ANKS1B: variants seen among roughly 807,000 people sequenced by gnomAD.
The protein encoded by ANKS1B is ankyrin repeat and sterile alpha motif domain-containing protein 1B.
In ANKS1B, 36 loss-of-function variants were observed where a neutral mutation model predicts 148.3. The observed-to-expected ratio is 0.24, with a 90% CI of 0.19 to 0.32. The LOEUF (loss-of-function observed/expected upper bound fraction) is 0.32, where lower values mean the gene tolerates loss of function less well. Ranked by LOEUF, ANKS1B falls within the 10% of genes least tolerant of loss-of-function variation. The pLI is 1.00. For missense variants in ANKS1B, 1,157 were observed against 1,542.6 expected (o/e 0.75, Z 4.19); for synonymous variants, 542 against 560.8 (o/e 0.97, Z 0.47).
At chr12:99,823,742 T>C (rs538382103) in intron 2 of ANKS1B, among the ~76,000 whole-genome samples, 11 of 152,360 alleles carry the variant, frequency 7.2e-5, no homozygotes, top group African/African-American at 2.6e-4. Context: ...AAATCTTCAA[T>C]CTACCTTGAG....
chr12:99,084,068 G>C (rs753867248), intron 16 of ANKS1B, among the ~76,000 whole-genome samples: 2 of 152,166 alleles, frequency 1.3e-5, no homozygotes, highest in Admixed American at 6.5e-5. Context: ...AATGATGCCT[G>C]GTTGGTAAAT....
At chr12:99,832,814 G>C (rs972648200) in intron 1 of ANKS1B, among the ~76,000 whole-genome samples, 5 of 151,808 alleles carry the variant, frequency 3.3e-5, no homozygotes, top group Admixed American at 2.0e-4. Context: ...GCTGAGAATG[G>C]GGCAAAAAAG....
At chr12:99,473,288 CCTA>C (rs1595509467) in intron 10 of ANKS1B, among the ~76,000 whole-genome samples, 1 of 151,784 alleles carries the variant, frequency 6.6e-6, no homozygotes, top group African/African-American at 2.4e-5. Flanking sequence ...TGTTTATAAT[CCTA>C]CTGTTTTATT....
intron 2 of ANKS1B, among the ~76,000 whole-genome samples, chr12:99,816,534 A>G (rs538518029): frequency 6.6e-6 from 1 of 151,624 alleles, no homozygotes; most frequent in East Asian, 1.9e-4. Context: ...TTATTTTAAA[A>G]TTAAAATTAA....
intron 1 of ANKS1B, among the ~76,000 whole-genome samples, chr12:99,950,635 T>C (rs1048426616): frequency 1.8e-4 from 27 of 152,202 alleles, no homozygotes; most frequent in African/African-American, 6.3e-4. Context: ...TACCTATCAC[T>C]ATTTTTTCTG....
chr12:99,183,776 C>T (rs1349842364), intron 14 of ANKS1B, among the ~76,000 whole-genome samples: 1 of 152,096 alleles, frequency 6.6e-6, no homozygotes, highest in Non-Finnish European at 1.5e-5. Flanking sequence ...TCATGAATCT[C>T]CAATAAGGGT....
At chr12:99,558,514 GGAGGCT>G (rs1350874879) in intron 9 of ANKS1B, among the ~76,000 whole-genome samples, 1 of 152,158 alleles carries the variant, frequency 6.6e-6, no homozygotes, top group Non-Finnish European at 1.5e-5. Flanking sequence ...GCAGCAGTGG[GGAGGCT>G]GTAGTGGGTG....
At chr12:98,961,614 A>G (rs1208533721) in intron 17 of ANKS1B, among the ~76,000 whole-genome samples, 1 of 152,192 alleles carries the variant, frequency 6.6e-6, no homozygotes, top group Non-Finnish European at 1.5e-5. Context: ...ATTGTAGGGT[A>G]TAAACTATTC....
At chr12:99,717,803 C>T (rs1252267339) in intron 8 of ANKS1B, among the ~76,000 whole-genome samples, 4 of 151,188 alleles carry the variant, frequency 2.6e-5, no homozygotes, top group Non-Finnish European at 4.4e-5. Context: ...CTTTTCAAGG[C>T]CTGTTTCCCT....
At chr12:99,376,373 T>C (rs1488964383) in intron 12 of ANKS1B, among the ~76,000 whole-genome samples, 2 of 152,186 alleles carry the variant, frequency 1.3e-5, no homozygotes, top group Non-Finnish European at 2.9e-5. Flanking sequence ...AACGAACAGT[T>C]GTTTTGAAGG....
chr12:99,465,459 A>T (rs903833490), intron 10 of ANKS1B, among the ~76,000 whole-genome samples: 1 of 152,214 alleles, frequency 6.6e-6, no homozygotes, highest in African/African-American at 2.4e-5. Context: ...CTTTAAATGT[A>T]AATGGACTAA....
At chr12:99,856,085 A>G (rs1182354763) in intron 1 of ANKS1B, among the ~76,000 whole-genome samples, 4 of 152,120 alleles carry the variant, frequency 2.6e-5, no homozygotes, top group Non-Finnish European at 5.9e-5. Context: ...AATGAAATGG[A>G]AACAAAACAA....
chr12:99,561,562 C>G (rs1022744998), intron 9 of ANKS1B, among the ~76,000 whole-genome samples: 4 of 152,136 alleles, frequency 2.6e-5, no homozygotes, highest in Non-Finnish European at 5.9e-5. Flanking sequence ...TATATCAAAA[C>G]TTAAGCAGCA....
intron 8 of ANKS1B, among the ~76,000 whole-genome samples, chr12:99,659,206 A>G (rs984021492): frequency 1.3e-5 from 2 of 152,180 alleles, no homozygotes; most frequent in Admixed American, 6.5e-5. Context: ...ATAATTTTTA[A>G]CTTCATTTCT....
intron 9 of ANKS1B, among the ~76,000 whole-genome samples, chr12:99,576,755 T>C (rs950364604): frequency 3.3e-5 from 5 of 152,086 alleles, no homozygotes; most frequent in East Asian, 1.9e-4. Context: ...GACAGGTTTT[T>C]CTTTTTTTCA....
intron 1 of ANKS1B, among the ~76,000 whole-genome samples, chr12:99,842,224 TG>T (rs2085860450): frequency 6.6e-6 from 1 of 152,178 alleles, no homozygotes; most frequent in African/African-American, 2.4e-5. Context: ...AAATTATAGT[TG>T]TTTTTTAAAT....
At chr12:99,180,991 A>C (rs561904306) in intron 14 of ANKS1B, among the ~76,000 whole-genome samples, 110 of 152,238 alleles carry the variant, frequency 7.2e-4, no homozygotes, top group African/African-American at 2.2e-3. Flanking sequence ...AACAGGCCTA[A>C]GTTTCTCCCC....
chr12:99,931,663 G>C (rs1347820804), intron 1 of ANKS1B, among the ~76,000 whole-genome samples: 1 of 152,102 alleles, frequency 6.6e-6, no homozygotes, highest in Non-Finnish European at 1.5e-5. Flanking sequence ...TGGGTACATA[G>C]TGTATGTATT....
At chr12:98,795,849 T>C (rs1242979148) in intron 22 of ANKS1B, among the ~76,000 whole-genome samples, 1 of 152,108 alleles carries the variant, frequency 6.6e-6, no homozygotes, top group African/African-American at 2.4e-5. Context: ...TGACTTAACT[T>C]CTCTTGGACT....
Sources: gnomAD v4.1 joint callset for allele counts (sites outside exome capture counted in the v4.1 genomes callset) on GRCh38, gnomAD v4.1.1 for gene constraint, MANE v1.5 for transcripts, NCBI Gene and HGNC (gene_info 2026-07-23, HGNC 2026-07-21) for gene names.